Variants in NSRP1 observed in about 807,000 individuals in gnomAD.
NSRP1 encodes coiled-coil domain containing 55.
NSRP1 carries 24 observed loss-of-function variants against 54.7 expected under a neutral mutation model. That is an observed-to-expected ratio of 0.44 (90% CI 0.32 to 0.62). The LOEUF is 0.62. NSRP1 is among the 20% of genes least tolerant of loss of function. The probability of loss-of-function intolerance (pLI) is 0.06; values close to 1 mark genes in which losing one functional copy is unlikely to be tolerated. For missense variants in NSRP1, 596 were observed against 651.2 expected (o/e 0.92, Z 0.92); for synonymous variants, 210 against 213.8 (o/e 0.98, Z 0.15).
In NSRP1 at chr17:30,118,076, G is replaced by A; in HGVS notation, c.21-4G>A. The A allele has an allele frequency of 6.2e-7, 1 of 1,609,172 alleles. No homozygotes were observed. Among genetic ancestry groups the A allele is most frequent in the Non-Finnish European group, 8.5e-7 (1 of 1,176,930 alleles). On this transcript the variant is annotated splice_region_variant and splice_polypyrimidine_tract_variant and intron_variant, in intron 1 of 6. Transcript: ENST00000247026. The stretch of plus-strand genomic sequence containing the variant: ...AATTTCTATTTCAAAAAAAATATAT[G>A]CAGGTATGGGCTTATTTTGCCAAAG...
chr17:30,124,854 T>C (rs2071636442), intron 2 of NSRP1, among the ~76,000 whole-genome samples: 1 of 152,224 alleles, frequency 6.6e-6, no homozygotes, highest in Admixed American at 6.5e-5. Context: ...GTCTGGTTAA[T>C]TCCAGCTTGT....
In NSRP1 at chr17:30,147,872, C is replaced by T. The variant is rs561819578; in HGVS notation, c.115-24670C>T. 2.2e-3 allele frequency among the ~76,000 whole-genome samples: 337 copies of T among 151,114 alleles called. 2 individuals carry two copies. The highest frequency in any genetic ancestry group is 7.8e-3 in the African/African-American group (319 of 41,138). On this transcript the variant is annotated intron_variant, in intron 2 of 6. Transcript: ENST00000247026. ...TGTCCCCCTGGCTGGAGTGCAATGGCGCAACCTCAGCTCCCTGCAACCTCT... is the reference window on the plus strand; with the variant it reads ...TGTCCCCCTGGCTGGAGTGCAATGGTGCAACCTCAGCTCCCTGCAACCTCT...
Position 30,120,163 on chromosome 17 carries a change from TCTGA to T in NSRP1, c.114+1993_114+1996del, listed in dbSNP as rs1416340812. 3.3e-5 allele frequency among the ~76,000 whole-genome samples: 5 copies of T among 152,348 alleles called. No individual in the cohort carries two copies. The South Asian group carries it at 8.3e-4, about 25-fold the overall frequency. ...ATCATACAGTATGTACTCTTTTATGTCTGACTTACTCCACTCAGTATAATGCCAG... is the reference window on the plus strand; with the variant it reads ...ATCATACAGTATGTACTCTTTTATGTCTTACTCCACTCAGTATAATGCCAG... On this transcript the variant is annotated intron_variant, in intron 2 of 6. Coordinates refer to ENST00000247026, the MANE Select transcript of NSRP1 (RefSeq NM_032141.4).
At chr17:30,162,536 A>C (rs1597613498) in intron 2 of NSRP1, among the ~76,000 whole-genome samples, 1 of 152,222 alleles carries the variant, frequency 6.6e-6, no homozygotes, top group Non-Finnish European at 1.5e-5. Flanking sequence ...AAAGAACAGG[A>C]AGTTCTCAGC....
rs1346061397 is a variant in NSRP1, at chr17:30,184,670, A to C, written c.673A>C (p.Asn225His). 6.2e-7 allele frequency: 1 copy of C among 1,603,576 alleles called. No homozygotes were observed. The highest frequency in any genetic ancestry group is 1.3e-5 in the African/African-American group (1 of 74,280). ...CTTCTCCAATGAAGTAAGTTCAAAA[A>C]ACAGAATACCACAAGAGAAATGCAT... Reference protein sequence around the residue: ...RGFSNEVSSKNRIPQEKCILQ... With the variant: ...RGFSNEVSSKHRIPQEKCILQ... The change falls in exon 7 of 7, where the codon AAC becomes CAC. Residue 225 changes from asparagine to histidine, a missense_variant. Asn to His is a moderately conservative substitution (Grantham distance 68, BLOSUM62 1). Transcript: ENST00000247026.
intron 2 of NSRP1, among the ~76,000 whole-genome samples, chr17:30,137,218 G>A (rs897337102): frequency 1.1e-4 from 16 of 152,182 alleles, no homozygotes; most frequent in South Asian, 8.3e-4. Flanking sequence ...GAGTTTCTCC[G>A]TATTGTAGAT....
At chr17:30,175,845 A>G (rs1450117358) in intron 3 of NSRP1, among the ~76,000 whole-genome samples, 1 of 151,994 alleles carries the variant, frequency 6.6e-6, no homozygotes, top group Non-Finnish European at 1.5e-5. Context: ...TTCTGTATTG[A>G]TACAAAAATT....
At chr17:30,148,119 A>T (rs1434587480) in intron 2 of NSRP1, among the ~76,000 whole-genome samples, 1 of 152,168 alleles carries the variant, frequency 6.6e-6, no homozygotes, top group Non-Finnish European at 1.5e-5. Context: ...CTAGCCTGAC[A>T]ATTTTTTATA....
chr17:30,172,478 C>T (rs371951207), intron 2 of NSRP1, 64 bp from the exon 3 acceptor site: 53 of 1,308,922 alleles, frequency 4.0e-5, no homozygotes, highest in African/African-American at 1.6e-4. Context: ...AGATAGGGGA[C>T]GCTCGTACTG....
At chr17:30,118,371 CTTT>C (rs1567786900) in intron 2 of NSRP1, among the ~76,000 whole-genome samples, 198 bp downstream of exon 2, 1 of 152,126 alleles carries the variant, frequency 6.6e-6, no homozygotes, top group Non-Finnish European at 1.5e-5. Context: ...AAGCTGCAAA[CTTT>C]ACCTTTAAAC....
intron 3 of NSRP1, among the ~76,000 whole-genome samples, chr17:30,176,972 C>T (rs1169934961): frequency 1.3e-5 from 2 of 152,092 alleles, no homozygotes; most frequent in African/African-American, 4.8e-5. Context: ...TTGGGTTCTA[C>T]ATTAGCCAAT....
In NSRP1 at chr17:30,185,867, A is replaced by G; in HGVS notation, c.*193A>G. ...TGGATGTTTGGCTGAATTTATATAT[A>G]GTGTGTACTCATCAATACCACATTC... On this transcript the variant is annotated 3_prime_UTR_variant, in exon 7 of 7. Transcript: ENST00000247026. The G allele has an allele frequency of 2.0e-6, 1 of 495,788 alleles. No individual in the cohort carries two copies. Among genetic ancestry groups the G allele is most frequent in the East Asian group, 3.3e-5 (1 of 29,990 alleles). The allele number at this position is 495,788 out of a possible 1,614,324, so 30.7% of individuals were successfully genotyped here. A position where few individuals can be genotyped will look rare whatever the true frequency, so the allele number is the denominator to read the frequency against.
intron 3 of NSRP1, among the ~76,000 whole-genome samples, chr17:30,177,318 G>T (rs1905158882): frequency 6.6e-6 from 1 of 151,736 alleles, no homozygotes; most frequent in African/African-American, 2.4e-5. Context: ...GTTGCAGTGA[G>T]CCAAGATCAC....
rs769026576 is a variant in NSRP1, at chr17:30,178,159, A to G, written c.260A>G (p.Glu87Gly). The G allele has an allele frequency of 6.2e-7, 1 of 1,610,088 alleles. No homozygotes were observed. Among genetic ancestry groups the G allele is most frequent in the Non-Finnish European group, 8.5e-7 (1 of 1,178,976 alleles). Residue 87 changes from glutamate (E) to glycine (G), a missense_variant, in exon 4 of 7, where the codon GAG becomes GGG. Coordinates refer to ENST00000247026, the MANE Select transcript of NSRP1 (RefSeq NM_032141.4). The stretch of plus-strand genomic sequence containing the variant: ...TATGATGAAATGCAGAAAAAAAAGG[A>G]GGAAAATAATCCCAAATTGCTTTTG... ...SIYDEMQKKK[E>G]ENNPKLLLGK...
chr17:30,118,002 T>C (rs1212440682), intron 1 of NSRP1, 78 bp from the exon 2 acceptor site: 2 of 1,111,490 alleles, frequency 1.8e-6, no homozygotes, highest in African/African-American at 3.1e-5. Context: ...GGTAGCTTCA[T>C]GTGGAAGAGG....
intron 2 of NSRP1, among the ~76,000 whole-genome samples, chr17:30,132,966 G>A (rs1410330703): frequency 6.6e-6 from 1 of 152,176 alleles, no homozygotes; most frequent in African/African-American, 2.4e-5. Context: ...TCGAGACAAG[G>A]TCTCGCTTTG....
intron 2 of NSRP1, among the ~76,000 whole-genome samples, chr17:30,135,451 G>A (rs1425075639): frequency 2.6e-5 from 4 of 151,346 alleles, no homozygotes; most frequent in Admixed American, 2.0e-4. Flanking sequence ...TAGGTAGGGT[G>A]TTGTTGGCAC....
chr17:30,151,774 C>CT (rs780507533), intron 2 of NSRP1, among the ~76,000 whole-genome samples: 1,652 of 48,838 alleles, frequency 0.034, 38 homozygotes, highest in Admixed American at 0.083. Context: ...TTGTCACTTT[C>CT]TTTTTTTTTT....
chr17:30,138,802 C>T (rs1451818323), intron 2 of NSRP1, among the ~76,000 whole-genome samples: 1 of 148,244 alleles, frequency 6.7e-6, no homozygotes, highest in Admixed American at 6.8e-5. Flanking sequence ...CAGCAATACA[C>T]AAAAGTTCCA....
Sources: allele counts gnomAD v4.1 joint callset (sites outside exome capture counted in the v4.1 genomes callset), GRCh38; gene constraint gnomAD v4.1.1; transcripts MANE v1.5; gene names NCBI Gene and HGNC (gene_info 2026-07-23, HGNC 2026-07-21).